The following KICS2 variants were observed in gnomAD, a reference collection of about 807,000 sequenced individuals.
KICS2 encodes the protein KICSTOR complex protein C12orf66.
Under a neutral mutation model 31.4 loss-of-function variants are expected in KICS2, and 13 were observed. The observed-to-expected ratio is 0.41, with a 90% confidence interval of 0.27 to 0.66. KICS2 has a LOEUF of 0.66. Ranked by LOEUF, KICS2 falls within the 30% of genes least tolerant of loss-of-function variation. The pLI is 0.28. For synonymous variants in KICS2, 209 were observed against 214.8 expected (o/e 0.97, Z 0.24); for missense variants, 455 against 545.4 (o/e 0.83, Z 1.65).
intron 2 of KICS2, among the ~76,000 whole-genome samples, chr12:64,213,549 G>A (rs554718055): frequency 6.6e-6 from 1 of 152,204 alleles, no homozygotes; most frequent in Non-Finnish European, 1.5e-5. Flanking sequence ...TTCAGAATAG[G>A]TATATATAAA....
At chr12:64,211,385 G>A (rs928529921) in intron 2 of KICS2, among the ~76,000 whole-genome samples, 6 of 152,212 alleles carry the variant, frequency 3.9e-5, no homozygotes, top group Non-Finnish European at 7.3e-5. Context: ...GAAGGCTGAG[G>A]TGGGGGGATC....
intron 2 of KICS2, among the ~76,000 whole-genome samples, chr12:64,212,917 C>T (rs987742371): frequency 1.3e-5 from 2 of 151,848 alleles, no homozygotes; most frequent in Non-Finnish European, 2.9e-5. Context: ...TGGAGAAACC[C>T]TGTCTCTACC....
In KICS2 at chr12:64,218,308, G is replaced by A. The variant is rs181998066; in HGVS notation, c.236-2345C>T. 4.6e-5 allele frequency among the ~76,000 whole-genome samples: 7 copies of A among 152,200 alleles called. No homozygotes were observed. In the East Asian group the frequency reaches 9.6e-4, roughly 21 times the overall value. Reference sequence around the variant, plus strand: ...GTATCATATAAAACCTAAAAGCTGTGGAGGTCTGAAAGACTTGGTTTCAAA... The same window carrying A: ...GTATCATATAAAACCTAAAAGCTGTAGAGGTCTGAAAGACTTGGTTTCAAA... On this transcript the variant is annotated intron_variant, in intron 1 of 2. Transcript: ENST00000398055.
chr12:64,214,538 C>G (rs962258874), intron 2 of KICS2, among the ~76,000 whole-genome samples: 3 of 152,150 alleles, frequency 2.0e-5, no homozygotes, highest in African/African-American at 7.2e-5. Flanking sequence ...CTCAAAACAC[C>G]TGCCGTCTTC....
chr12:64,213,570 T>TC (rs1009391859), intron 2 of KICS2, among the ~76,000 whole-genome samples: 92 of 151,968 alleles, frequency 6.1e-4, no homozygotes, highest in Middle Eastern at 3.4e-3. Context: ...TATTTCCACC[T>TC]CCCCCCCTTT....
chr12:64,189,039 GC>G (rs1368707559), downstream of KICS2, among the ~76,000 whole-genome samples: 1 of 152,138 alleles, frequency 6.6e-6, no homozygotes, highest in Non-Finnish European at 1.5e-5. Flanking sequence ...TGTAGTCCCA[GC>G]TACTCAGGAG....
chr12:64,202,943 C>T (rs1592383026), intron 2 of KICS2, among the ~76,000 whole-genome samples: 1 of 152,124 alleles, frequency 6.6e-6, no homozygotes, highest in African/African-American at 2.4e-5. Context: ...CTTCAGGTCT[C>T]CTCGTCAGTC....
chr12:64,215,146 A>C (rs1321596390), intron 2 of KICS2, among the ~76,000 whole-genome samples: 2 of 147,598 alleles, frequency 1.4e-5, no homozygotes, highest in Non-Finnish European at 3.0e-5. Flanking sequence ...TCTCTACTAA[A>C]AAAAAAAAAA....
At chr12:64,195,020 T>C (rs1338009872) in intron 2 of KICS2, among the ~76,000 whole-genome samples, 1 of 151,966 alleles carries the variant, frequency 6.6e-6, no homozygotes, top group Non-Finnish European at 1.5e-5. Flanking sequence ...CATGGCTCAC[T>C]GCAGCTCAGT....
At chr12:64,217,828 A>T (rs1050990134) in intron 1 of KICS2, among the ~76,000 whole-genome samples, 3 of 151,922 alleles carry the variant, frequency 2.0e-5, no homozygotes, top group African/African-American at 7.3e-5. Context: ...AAAGAAAAGA[A>T]AAGAAAGAAG....
chr12:64,188,735 CT>C (rs2037358574), downstream of KICS2, among the ~76,000 whole-genome samples: 1 of 152,084 alleles, frequency 6.6e-6, no homozygotes, highest in Non-Finnish European at 1.5e-5. Flanking sequence ...AAAACGGCTG[CT>C]TTATTTCAAA....
chr12:64,205,132 A>C (rs1461909828), intron 2 of KICS2, among the ~76,000 whole-genome samples: 1 of 152,204 alleles, frequency 6.6e-6, no homozygotes, highest in African/African-American at 2.4e-5. Flanking sequence ...AATTAGAGAA[A>C]ATTCTAGTAC....
At chr12:64,220,460 T>C (rs2037670469) in intron 1 of KICS2, among the ~76,000 whole-genome samples, 1 of 152,088 alleles carries the variant, frequency 6.6e-6, no homozygotes, top group Non-Finnish European at 1.5e-5. Flanking sequence ...ACTCAGGTTA[T>C]ACGCAAAATT....
chr12:64,195,787 G>A (rs1204043148), intron 2 of KICS2, among the ~76,000 whole-genome samples: 1 of 152,264 alleles, frequency 6.6e-6, no homozygotes, highest in Non-Finnish European at 1.5e-5. Context: ...TGCCTCACCT[G>A]GGAAGCGCAA....
chr12:64,218,207 A>C (rs2037648011), intron 1 of KICS2, among the ~76,000 whole-genome samples: 1 of 152,220 alleles, frequency 6.6e-6, no homozygotes, highest in Non-Finnish European at 1.5e-5. Context: ...GATTTTGTAC[A>C]GTGAAGGGTA....
intron 2 of KICS2, among the ~76,000 whole-genome samples, chr12:64,198,038 TCAA>T (rs2037457490): frequency 1.3e-5 from 1 of 75,732 alleles, no homozygotes; most frequent in Non-Finnish European, 2.5e-5. Flanking sequence ...ATTAGACAGA[TCAA>T]CGAGACAGAA....
chr12:64,197,035 T>C (rs2037447383), intron 2 of KICS2, among the ~76,000 whole-genome samples: 1 of 110,202 alleles, frequency 9.1e-6, no homozygotes, highest in African/African-American at 3.7e-5. Flanking sequence ...TGCAGGATAT[T>C]ATCCAGGAGA....
Position 64,193,420 on chromosome 12 carries a change from C to G in KICS2, c.*422G>C. ...GACAGAAAACATATAGTTCTTAATT[C>G]TAAAAAGGCCATTTAATATCTCATC... On this transcript the variant is annotated 3_prime_UTR_variant, in exon 3 of 3. Coordinates refer to ENST00000398055, the MANE Select transcript of KICS2 (RefSeq NM_152440.5). 2 of 988,578 alleles carry G rather than the reference C, an allele frequency of 2.0e-6. No homozygotes were observed. Among genetic ancestry groups the G allele is most frequent in the African/African-American group, 3.5e-5 (2 of 57,398 alleles). 61.2% of individuals were successfully genotyped at this position (988,578 alleles called of 1,614,324 possible).
intron 2 of KICS2, among the ~76,000 whole-genome samples, chr12:64,201,605 T>TAAAAAAAAAAA (rs531373424): frequency 1.7e-5 from 2 of 115,640 alleles, no homozygotes; most frequent in Non-Finnish European, 3.4e-5. Flanking sequence ...TAAAGTATAA[T>TAAAAAAAAAAA]AAAAAAAAAA....
Sources: gnomAD v4.1 joint callset for allele counts (sites outside exome capture counted in the v4.1 genomes callset) on GRCh38, gnomAD v4.1.1 for gene constraint, MANE v1.5 for transcripts, NCBI Gene and HGNC (gene_info 2026-07-23, HGNC 2026-07-21) for gene names.